The following COL23A1 variants were observed in gnomAD, a reference collection of about 807,000 sequenced individuals.
COL23A1 encodes the protein collagen alpha-1(XXIII) chain.
COL23A1 carries 97 observed loss-of-function variants against 99.3 expected under a neutral mutation model. The observed-to-expected ratio is 0.98, with a 90% CI of 0.83 to 1.16. COL23A1 has a LOEUF of 1.16. Ranked by LOEUF, COL23A1 falls within the 50% of genes most tolerant of loss-of-function variation. The pLI, the probability that COL23A1 is intolerant of heterozygous loss-of-function variation, is 0.00. For synonymous variants in COL23A1, 320 were observed against 308.2 expected (o/e 1.04, Z -0.40); for missense variants, 762 against 757.4 (o/e 1.01, Z -0.07).
intron 2 of COL23A1, among the ~76,000 whole-genome samples, chr5:178,472,301 C>G (rs1050006338): frequency 2.0e-5 from 3 of 152,164 alleles, no homozygotes; most frequent in African/African-American, 7.2e-5. Context: ...CAATGGGGAG[C>G]CACAGTCTAT....
At chr5:178,247,616 G>A in intron 21 of COL23A1, 64 bp from the exon 22 acceptor site, 1 of 1,601,598 alleles carries the variant, frequency 6.2e-7, no homozygotes, top group Non-Finnish European at 8.5e-7. Flanking sequence ...CCACTCACTG[G>A]CCCCTGGGGC....
At chr5:178,547,556 TACACAC>T (rs1761675687) in intron 2 of COL23A1, among the ~76,000 whole-genome samples, 1 of 28,816 alleles carries the variant, frequency 3.5e-5, no homozygotes. Flanking sequence ...CACACCCCCA[TACACAC>T]CCCCACACAC....
intron 2 of COL23A1, among the ~76,000 whole-genome samples, chr5:178,370,688 ATC>A (rs1469615451): frequency 6.6e-6 from 1 of 152,218 alleles, no homozygotes; most frequent in Non-Finnish European, 1.5e-5. Context: ...GTGAGACCCT[ATC>A]TCTCTTGAAA....
Position 178,309,047 on chromosome 5 carries a change from G to A in COL23A1, c.362-2128C>T, listed in dbSNP as rs1758522241. On this transcript the variant is annotated intron_variant, in intron 2 of 28. Coordinates refer to ENST00000390654, the MANE Select transcript of COL23A1 (RefSeq NM_173465.4). The surrounding 1 kb of genome is among the most constrained non-coding windows in gnomAD (Gnocchi z 4.7). ...CAGGCAGAGTGAGGGGGCATGGCAG[G>A]AAAGGGGCCAGGAATGGGGGAAGTA... Among the ~76,000 whole-genome samples the A allele has an allele frequency of 6.6e-6, 1 of 152,212 alleles. No homozygotes were observed. The highest frequency in any genetic ancestry group is 2.1e-4 in the South Asian group (1 of 4,832).
intron 2 of COL23A1, among the ~76,000 whole-genome samples, chr5:178,393,046 G>T: frequency 6.6e-6 from 1 of 152,318 alleles, no homozygotes; most frequent in East Asian, 1.9e-4. Flanking sequence ...GACCCACAGC[G>T]GGTGCCTGGC....
intron 2 of COL23A1, among the ~76,000 whole-genome samples, chr5:178,448,910 G>GTT (rs35213717): frequency 1.4e-5 from 2 of 144,042 alleles, no homozygotes; most frequent in South Asian, 2.2e-4. Flanking sequence ...AAGAAATAAA[G>GTT]TTTTTTTTTT....
intron 2 of COL23A1, among the ~76,000 whole-genome samples, chr5:178,518,471 G>A (rs1454763085): frequency 2.8e-4 from 42 of 147,906 alleles, no homozygotes; most frequent in Non-Finnish European, 4.7e-4. Flanking sequence ...CAGTAGGGGC[G>A]GCCGGGCAGA....
At chr5:178,531,952 T>G (rs1760674644) in intron 2 of COL23A1, among the ~76,000 whole-genome samples, 1 of 152,106 alleles carries the variant, frequency 6.6e-6, no homozygotes. Context: ...GCCTGAGTCC[T>G]CAGAAGGGTG....
intron 2 of COL23A1, among the ~76,000 whole-genome samples, chr5:178,493,839 T>G (rs565657833): frequency 6.6e-6 from 1 of 152,316 alleles, no homozygotes; most frequent in African/African-American, 2.4e-5. Context: ...CTTGGCAGGG[T>G]CTTCTGCAGG....
At chr5:178,458,943 C>G (rs973347999) in intron 2 of COL23A1, among the ~76,000 whole-genome samples, 1 of 152,158 alleles carries the variant, frequency 6.6e-6, no homozygotes, top group Non-Finnish European at 1.5e-5. Flanking sequence ...TTAAATGACA[C>G]CACAGGAAGA....
At chr5:178,565,153 G>T (rs1762779560) in intron 1 of COL23A1, among the ~76,000 whole-genome samples, 1 of 152,220 alleles carries the variant, frequency 6.6e-6, no homozygotes, top group Non-Finnish European at 1.5e-5. Context: ...TGGGGGAACA[G>T]CAACTAACAA....
intron 11 of COL23A1, 131 bp downstream of exon 11, chr5:178,261,591 G>T: frequency 1.5e-6 from 1 of 683,178 alleles, no homozygotes; most frequent in Non-Finnish European, 2.6e-6. Context: ...CATGGTCCAG[G>T]AATTTGATCT....
intron 1 of COL23A1, among the ~76,000 whole-genome samples, chr5:178,583,095 G>A (rs554641549): frequency 6.6e-6 from 1 of 152,372 alleles, no homozygotes; most frequent in South Asian, 2.1e-4. Context: ...TCATGAGGCT[G>A]TTGTGGGCAA....
intron 6 of COL23A1, 105 bp downstream of exon 6, chr5:178,270,232 A>G (rs1756207714): frequency 1.5e-6 from 2 of 1,368,502 alleles, no homozygotes; most frequent in Non-Finnish European, 2.1e-6. Flanking sequence ...TCTGTGCTGA[A>G]CCAAGTTCCA....
intron 2 of COL23A1, among the ~76,000 whole-genome samples, chr5:178,358,942 G>A (rs571004825): frequency 5.3e-5 from 8 of 152,294 alleles, no homozygotes; most frequent in Admixed American, 5.2e-4. Flanking sequence ...TTACATGACT[G>A]TAGTTAATAT....
At chr5:178,498,241 T>C (rs1226818510) in intron 2 of COL23A1, among the ~76,000 whole-genome samples, 1 of 57,970 alleles carries the variant, frequency 1.7e-5, no homozygotes, top group African/African-American at 1.2e-4. Context: ...TATATATATA[T>C]ATATATATAT....
At chr5:178,381,277 G>A (rs1305873411) in intron 2 of COL23A1, among the ~76,000 whole-genome samples, 1 of 152,232 alleles carries the variant, frequency 6.6e-6, no homozygotes, top group Non-Finnish European at 1.5e-5. Context: ...AGGATGTAGG[G>A]AAGTGTGGAA....
At chr5:178,494,230 C>T (rs576058780) in intron 2 of COL23A1, among the ~76,000 whole-genome samples, 3 of 152,274 alleles carry the variant, frequency 2.0e-5, no homozygotes, top group East Asian at 1.9e-4. Context: ...TTTCATTCTC[C>T]GACAAGGACA....
rs9885225 is a variant in COL23A1 at position 178,327,055 on chromosome 5, A to G, written c.362-20136T>C. 5.8e-3 allele frequency among the ~76,000 whole-genome samples: 885 copies of G among 152,286 alleles called. 12 individuals are homozygous for G. Among genetic ancestry groups the G allele is most frequent in the African/African-American group, 0.019 (798 of 41,562 alleles). The stretch of plus-strand genomic sequence containing the variant: ...ATTCTTATTCGGGGGTGAATGAATG[A>G]CTTTATTCATCCAGACAATCAAATA... On this transcript the variant is annotated intron_variant, in intron 2 of 28. Transcript: ENST00000390654.
Sources: allele counts gnomAD v4.1 joint callset (sites outside exome capture counted in the v4.1 genomes callset), GRCh38; gene constraint gnomAD v4.1.1; non-coding constraint Gnocchi (gnomAD v3.1); transcripts MANE v1.5; gene names NCBI Gene and HGNC (gene_info 2026-07-23, HGNC 2026-07-21).